Variants in BAIAP2L1 observed in about 807,000 individuals in gnomAD.
BAIAP2L1 encodes the protein BAR/IMD domain-containing adapter protein 2-like 1.
BAIAP2L1 carries 35 observed loss-of-function variants against 66.3 expected under a neutral mutation model. The observed-to-expected ratio is 0.53, with a 90% CI of 0.40 to 0.70. The LOEUF is 0.70. BAIAP2L1 is among the 30% of genes least tolerant of loss of function. The pLI, the probability that BAIAP2L1 is intolerant of heterozygous loss-of-function variation, is 0.00. For missense variants in BAIAP2L1, 622 were observed against 656.9 expected (o/e 0.95, Z 0.58); for synonymous variants, 269 against 248.7 (o/e 1.08, Z -0.77).
intron 1 of BAIAP2L1, among the ~76,000 whole-genome samples, chr7:98,384,251 CGTG>C (rs1293828972): frequency 6.6e-6 from 1 of 151,612 alleles, no homozygotes; most frequent in African/African-American, 2.4e-5. Flanking sequence ...TTCACAGAGA[CGTG>C]GTGAAAATAA....
intron 1 of BAIAP2L1, 139 bp downstream of exon 1, chr7:98,400,663 A>G (rs1584515372): frequency 1.1e-6 from 1 of 880,624 alleles, no homozygotes; most frequent in Non-Finnish European, 1.7e-6. Flanking sequence ...CCAGGGGAGG[A>G]GTGGGAGAGA....
At chr7:98,397,318 C>CTTT (rs36101597) in intron 1 of BAIAP2L1, among the ~76,000 whole-genome samples, 110 of 74,510 alleles carry the variant, frequency 1.5e-3, no homozygotes, top group African/African-American at 1.6e-3. Context: ...TTCTTAAGCC[C>CTTT]TTTTTTTTTT....
rs906691083 is a variant in BAIAP2L1 at position 98,312,119 on chromosome 7, G to C, written c.785C>G (p.Pro262Arg). The C allele has an allele frequency of 6.2e-7, 1 of 1,609,978 alleles. No homozygotes were observed. The highest frequency in any genetic ancestry group is 1.1e-5 in the South Asian group (1 of 90,264). ...TACCACATTGCTTCTCTCGATCATG[G>C]GTGAAGCCTGAGGAGTTCCAGACAC... ...TPVSGTPQASPMIERSNVVRK... is the reference protein window; with the variant it reads ...TPVSGTPQASRMIERSNVVRK... Residue 262 changes from proline to arginine, a missense_variant, in exon 8 of 14, where the codon CCC becomes CGC. Coordinates refer to ENST00000005260, the MANE Select transcript of BAIAP2L1 (RefSeq NM_018842.5).
At chr7:98,362,899 G>A (rs1802304865) in intron 1 of BAIAP2L1, among the ~76,000 whole-genome samples, 1 of 151,664 alleles carries the variant, frequency 6.6e-6, no homozygotes, top group African/African-American at 2.4e-5. Flanking sequence ...AGGAGATTTT[G>A]TTTTTACTCT....
At chr7:98,389,976 C>T (rs542687059) in intron 1 of BAIAP2L1, among the ~76,000 whole-genome samples, 3 of 137,954 alleles carry the variant, frequency 2.2e-5, no homozygotes, top group Admixed American at 8.4e-5. Context: ...AGTGCAGTGG[C>T]GGGATCTTGG....
At chr7:98,312,001 A>C (rs935681994) in intron 8 of BAIAP2L1, 96 bp downstream of exon 8, 1 of 1,280,544 alleles carries the variant, frequency 7.8e-7, no homozygotes, top group East Asian at 2.4e-5. Context: ...GAAGTAATAA[A>C]GGGGGACCTG....
At chr7:98,395,732 G>T (rs868857624) in intron 1 of BAIAP2L1, among the ~76,000 whole-genome samples, 1 of 151,996 alleles carries the variant, frequency 6.6e-6, no homozygotes, top group Non-Finnish European at 1.5e-5. Flanking sequence ...TTTTAAGCTG[G>T]AATATTGAGT....
At chr7:98,329,336 G>A (rs1801442115) in intron 3 of BAIAP2L1, among the ~76,000 whole-genome samples, 1 of 152,302 alleles carries the variant, frequency 6.6e-6, no homozygotes, top group Non-Finnish European at 1.5e-5. Context: ...GACCAATGCT[G>A]GGGCCATTCC....
chr7:98,303,954 ACT>A (rs1468259773), intron 12 of BAIAP2L1, among the ~76,000 whole-genome samples: 1 of 152,182 alleles, frequency 6.6e-6, no homozygotes, highest in African/African-American at 2.4e-5. Flanking sequence ...CTGTGTGTAA[ACT>A]CTCACTGACA....
intron 8 of BAIAP2L1, 117 bp from the exon 9 acceptor site, chr7:98,310,709 C>CTCTGTCTCAAA: frequency 1.9e-6 from 1 of 527,980 alleles, no homozygotes; most frequent in Non-Finnish European, 2.9e-6. Context: ...TATTTTGAGA[C>CTCTGTCTCAAA]AGAGTCTCGC....
intron 1 of BAIAP2L1, among the ~76,000 whole-genome samples, chr7:98,371,519 G>T (rs945031058): frequency 3.9e-5 from 6 of 152,180 alleles, no homozygotes; most frequent in Admixed American, 2.6e-4. Context: ...ATTTCTAGCT[G>T]CCCTGTTTAC....
chr7:98,361,099 A>G (rs1802258627), intron 2 of BAIAP2L1, among the ~76,000 whole-genome samples: 2 of 152,088 alleles, frequency 1.3e-5, no homozygotes, highest in African/African-American at 2.4e-5. Context: ...GCTTAAGTTT[A>G]TAATCCTAGC....
intron 12 of BAIAP2L1, 89 bp downstream of exon 12, chr7:98,304,107 C>G (rs1800535493): frequency 1.5e-6 from 2 of 1,360,412 alleles, no homozygotes; most frequent in Admixed American, 3.1e-5. Context: ...GGGGACAGAG[C>G]AGAGCAAGGC....
At chr7:98,337,313 C>T (rs1339891384) in intron 3 of BAIAP2L1, among the ~76,000 whole-genome samples, 1 of 151,354 alleles carries the variant, frequency 6.6e-6, no homozygotes, top group Non-Finnish European at 1.5e-5. Context: ...CTCACTGAAA[C>T]CTCCGCCTCC....
Position 98,304,355 on chromosome 7 carries a change from G to C in BAIAP2L1, c.1263C>G (p.Ile421Met). ...TATTCTCAGACAAGTTCACGGTGCT[G>C]ATGCTTCTCACTGGTGTGGGGCTCA... The part of the protein sequence containing the change: ...PTPSPTPVRS[I>M]STVNLSENSS... Residue 421 changes from isoleucine to methionine, a missense_variant, in exon 12 of 14, where the codon ATC (isoleucine) becomes ATG (methionine). Physicochemically the swap from Ile to Met is conservative, Grantham distance 10 (BLOSUM62 1). Coordinates refer to ENST00000005260, the MANE Select transcript of BAIAP2L1 (RefSeq NM_018842.5). The C allele has an allele frequency of 1.9e-6, 3 of 1,613,558 alleles. No individual in the cohort carries two copies. Among genetic ancestry groups the C allele is most frequent in the Non-Finnish European group, 2.5e-6 (3 of 1,179,730 alleles).
At chr7:98,386,934 C>T (rs6465681) in intron 1 of BAIAP2L1, among the ~76,000 whole-genome samples, 58,182 of 151,694 alleles carry the variant, frequency 0.38, 12,545 homozygotes, top group Middle Eastern at 0.55. Flanking sequence ...CTCTTGACTT[C>T]GTGATCTGCC....
intron 1 of BAIAP2L1, among the ~76,000 whole-genome samples, chr7:98,398,331 G>A (rs1803266557): frequency 6.6e-6 from 1 of 152,132 alleles, no homozygotes; most frequent in South Asian, 2.1e-4. Context: ...ACCCAATACA[G>A]GGGCGGGAAA....
At chr7:98,342,227 T>C (rs761063120) in intron 3 of BAIAP2L1, among the ~76,000 whole-genome samples, 2 of 151,938 alleles carry the variant, frequency 1.3e-5, no homozygotes, top group Admixed American at 6.6e-5. Context: ...AACTTTTGTA[T>C]TTTTAGTAGA....
chr7:98,356,994 CAAAA>C (rs1171832329), intron 2 of BAIAP2L1, among the ~76,000 whole-genome samples: 5 of 2,422 alleles, frequency 2.1e-3, no homozygotes, highest in African/African-American at 4.5e-3. Context: ...GCCCCTGTCT[CAAAA>C]AAAAAAAAAA....
Sources: gnomAD v4.1 joint callset for allele counts (sites outside exome capture counted in the v4.1 genomes callset) on GRCh38, gnomAD v4.1.1 for gene constraint, MANE v1.5 for transcripts, NCBI Gene and HGNC (gene_info 2026-07-23, HGNC 2026-07-21) for gene names.